The following FRMD4A variants were observed in gnomAD, a reference collection of about 807,000 sequenced individuals.
FRMD4A encodes FERM domain-containing protein 4A.
FRMD4A carries 29 observed loss-of-function variants against 129.1 expected under a neutral mutation model. That is an observed-to-expected ratio of 0.22 (90% CI 0.17 to 0.31). The LOEUF (loss-of-function observed/expected upper bound fraction) is 0.31. FRMD4A is among the 10% of genes least tolerant of loss of function. The pLI is 1.00. For synonymous variants in FRMD4A, 634 were observed against 571.6 expected (o/e 1.11, Z -1.56); for missense variants, 1,272 against 1,375.8 (o/e 0.92, Z 1.19).
At chr10:13,933,426 T>C (rs940192868) in intron 2 of FRMD4A, among the ~76,000 whole-genome samples, 4 of 152,214 alleles carry the variant, frequency 2.6e-5, no homozygotes, top group African/African-American at 9.6e-5. Flanking sequence ...CTGTGGAGTA[T>C]AATTTCATTT....
chr10:13,703,237 G>A (rs1451785762), intron 13 of FRMD4A, among the ~76,000 whole-genome samples: 1 of 152,122 alleles, frequency 6.6e-6, no homozygotes, highest in Non-Finnish European at 1.5e-5. Context: ...GTTCCCCGGA[G>A]CATCTAAATC....
chr10:14,282,034 G>A (rs182030454), intron 2 of FRMD4A, among the ~76,000 whole-genome samples: 324 of 152,268 alleles, frequency 2.1e-3, no homozygotes, highest in Middle Eastern at 3.4e-3. Flanking sequence ...TAAAAAGCAC[G>A]TCTTACATGG....
intron 17 of FRMD4A, among the ~76,000 whole-genome samples, chr10:13,670,179 C>T (rs542304085): frequency 6.6e-6 from 1 of 152,288 alleles, no homozygotes; most frequent in Non-Finnish European, 1.5e-5. Context: ...CCCACAGCGT[C>T]AGACAAGCAA....
At chr10:13,788,045 C>T (rs1371052299) in intron 5 of FRMD4A, among the ~76,000 whole-genome samples, 1 of 152,148 alleles carries the variant, frequency 6.6e-6, no homozygotes, top group African/African-American at 2.4e-5. Context: ...GGCTATGTCT[C>T]GGATTCAGAG....
intron 3 of FRMD4A, among the ~76,000 whole-genome samples, chr10:13,847,015 A>T (rs2094058232): frequency 1.3e-5 from 2 of 152,214 alleles, no homozygotes. Flanking sequence ...TTGTTCCCTT[A>T]CCAGTGAAAA....
intron 2 of FRMD4A, among the ~76,000 whole-genome samples, chr10:14,202,139 A>AG (rs978824005): frequency 3.2e-5 from 1 of 31,560 alleles, no homozygotes; most frequent in African/African-American, 6.1e-5. Flanking sequence ...ATCCGTCTCA[A>AG]GAAAAAAAAA....
chr10:14,232,186 A>T (rs1843660303), intron 2 of FRMD4A, among the ~76,000 whole-genome samples: 1 of 152,180 alleles, frequency 6.6e-6, no homozygotes, highest in Admixed American at 6.5e-5. Flanking sequence ...TTGAATAGGG[A>T]ATCCTTTTCC....
At chr10:13,886,603 C>T (rs2094624652) in intron 2 of FRMD4A, among the ~76,000 whole-genome samples, 1 of 152,010 alleles carries the variant, frequency 6.6e-6, no homozygotes, top group African/African-American at 2.4e-5. Context: ...TTTTTAGAGA[C>T]AGGTTCTCCC....
intron 6 of FRMD4A, among the ~76,000 whole-genome samples, chr10:13,777,732 G>A (rs995611029): frequency 2.6e-5 from 4 of 151,274 alleles, no homozygotes; most frequent in Admixed American, 1.3e-4. Flanking sequence ...GGACAAGACA[G>A]TACTGAACGC....
intron 2 of FRMD4A, among the ~76,000 whole-genome samples, chr10:13,924,840 G>A (rs566997688): frequency 7.2e-5 from 11 of 151,836 alleles, no homozygotes; most frequent in African/African-American, 1.2e-4. Flanking sequence ...CGAAGCGGGC[G>A]GATCATGAGG....
chr10:13,768,455 A>C (rs1192018776), intron 6 of FRMD4A, among the ~76,000 whole-genome samples: 1 of 152,182 alleles, frequency 6.6e-6, no homozygotes, highest in African/African-American at 2.4e-5. Flanking sequence ...ACTCTCATGT[A>C]AGACAAATGA....
At chr10:13,837,056 C>T (rs1039149368) in intron 3 of FRMD4A, among the ~76,000 whole-genome samples, 19 of 152,076 alleles carry the variant, frequency 1.2e-4, no homozygotes, top group African/African-American at 4.3e-4. Flanking sequence ...CGCACCCGGC[C>T]GGTTCCTCAG....
intron 5 of FRMD4A, among the ~76,000 whole-genome samples, chr10:13,786,284 T>G (rs2092859849): frequency 6.6e-6 from 1 of 152,230 alleles, no homozygotes; most frequent in African/African-American, 2.4e-5. Context: ...CCGGCACCTG[T>G]TGTTTCCTGA....
chr10:14,007,139 T>C (rs1454891354), intron 2 of FRMD4A: 1 of 152,206 alleles, frequency 6.6e-6, no homozygotes, highest in Non-Finnish European at 1.5e-5. Context: ...ATGCTGCGGA[T>C]AGCTGATCTA....
intron 2 of FRMD4A, among the ~76,000 whole-genome samples, chr10:13,873,088 A>G (rs891727933): frequency 3.3e-5 from 5 of 151,954 alleles, no homozygotes; most frequent in African/African-American, 9.7e-5. Context: ...AGGCAGAAGA[A>G]TCACTTGAAC....
intron 24 of FRMD4A, among the ~76,000 whole-genome samples, chr10:13,648,975 C>T (rs150613069): frequency 1.3e-5 from 2 of 151,636 alleles, no homozygotes; most frequent in African/African-American, 4.9e-5. Flanking sequence ...TTTCAGAGGC[C>T]TGAAATGTAA....
rs1049902834 is a variant in FRMD4A at position 14,326,913 on chromosome 10, G to A, written c.45+3145C>T. The A allele has an allele frequency of 2.5e-5, 10 of 398,552 alleles. No homozygotes were observed. In the Admixed American group the frequency reaches 4.0e-4, roughly 16 times the overall value. 24.7% of individuals were successfully genotyped at this position (398,552 alleles called of 1,614,324 possible). On this transcript the variant is annotated intron_variant, in intron 2 of 24. Transcript: ENST00000357447. Reference sequence around the variant, plus strand: ...GAGGCAGCTTTTCAACAGCCTAAAAGGCCATCTCCACCACCAGAATGTGTC... The same window carrying A: ...GAGGCAGCTTTTCAACAGCCTAAAAAGCCATCTCCACCACCAGAATGTGTC...
intron 2 of FRMD4A, among the ~76,000 whole-genome samples, chr10:14,126,105 G>T (rs1838824184): frequency 1.3e-5 from 2 of 150,674 alleles, no homozygotes; most frequent in Admixed American, 6.6e-5. Flanking sequence ...AAAAATTAGG[G>T]TTTTCTCTAA....
At chr10:13,890,480 G>T in intron 2 of FRMD4A, 1 of 959,614 alleles carries the variant, frequency 1.0e-6, no homozygotes, top group Non-Finnish European at 1.2e-6. Context: ...ACGACTTACG[G>T]ATGCAGAGGT....
Sources: gnomAD v4.1 joint callset for allele counts (sites outside exome capture counted in the v4.1 genomes callset) on GRCh38, gnomAD v4.1.1 for gene constraint, MANE v1.5 for transcripts, NCBI Gene and HGNC (gene_info 2026-07-23, HGNC 2026-07-21) for gene names.